The following ZNF804B variants were observed in gnomAD, a reference collection of about 807,000 sequenced individuals.
The protein encoded by ZNF804B is zinc finger 804B.
In ZNF804B, 80 loss-of-function variants were observed where a neutral mutation model predicts 101.4. That is an observed-to-expected ratio of 0.79 (90% CI 0.66 to 0.95). ZNF804B has a LOEUF of 0.95. Among genes scored for constraint, ZNF804B ranks in the 40% least tolerant of loss-of-function variants. The probability of loss-of-function intolerance (pLI) is 0.00; values close to 1 mark genes in which losing one functional copy is unlikely to be tolerated. For synonymous variants in ZNF804B, 622 were observed against 558.8 expected, an observed-to-expected ratio of 1.11 and a Z score of -1.59; for missense variants, 1,673 against 1,561.9, an observed-to-expected ratio of 1.07 and a Z score of -1.20.
At chr7:88,927,836 C>A (rs1406687163) in intron 1 of ZNF804B, among the ~76,000 whole-genome samples, 3 of 152,080 alleles carry the variant, frequency 2.0e-5, no homozygotes, top group African/African-American at 4.8e-5. Flanking sequence ...CCTACCTTGT[C>A]CTTAAATTAA....
chr7:89,082,551 A>T (rs1789711180), intron 1 of ZNF804B, among the ~76,000 whole-genome samples: 1 of 151,786 alleles, frequency 6.6e-6, no homozygotes, highest in African/African-American at 2.4e-5. Context: ...AGTTTGTTGC[A>T]TCACCCACAT....
intron 2 of ZNF804B, among the ~76,000 whole-genome samples, chr7:89,276,912 T>C (rs978674739): frequency 6.6e-6 from 1 of 151,644 alleles, no homozygotes; most frequent in Non-Finnish European, 1.5e-5. Flanking sequence ...TGTTCACAAG[T>C]TGTTTTTTCC....
chr7:89,022,091 A>G (rs12674068), intron 1 of ZNF804B, among the ~76,000 whole-genome samples: 1 of 151,390 alleles, frequency 6.6e-6, no homozygotes, highest in Non-Finnish European at 1.5e-5. Flanking sequence ...TCTTGACTTC[A>G]GGTTGATCTC....
At chr7:88,768,588 C>G (rs71572429) in intron 1 of ZNF804B, among the ~76,000 whole-genome samples, 1 of 151,980 alleles carries the variant, frequency 6.6e-6, no homozygotes, top group East Asian at 1.9e-4. Context: ...CATGGTGGCA[C>G]GAGCCTGTAA....
chr7:89,012,225 G>A (rs1039346889), intron 1 of ZNF804B, among the ~76,000 whole-genome samples: 2 of 152,106 alleles, frequency 1.3e-5, no homozygotes, highest in Non-Finnish European at 2.9e-5. Flanking sequence ...GAAAGGCCCT[G>A]GGCCCTGGCC....
chr7:89,147,446 T>C (rs935446080), intron 1 of ZNF804B, among the ~76,000 whole-genome samples: 4 of 152,094 alleles, frequency 2.6e-5, no homozygotes, highest in Non-Finnish European at 4.4e-5. Context: ...GATCAAGGTG[T>C]CAAAATTGTT....
chr7:89,184,484 T>C (rs568285102), intron 1 of ZNF804B, among the ~76,000 whole-genome samples: 1 of 146,756 alleles, frequency 6.8e-6, no homozygotes, highest in South Asian at 2.2e-4. Context: ...GTAAGTTAAC[T>C]TTAAATGTCA....
intron 1 of ZNF804B, among the ~76,000 whole-genome samples, chr7:88,787,431 T>C (rs1790319466): frequency 6.6e-6 from 1 of 152,134 alleles, no homozygotes. Flanking sequence ...AGATGTTCCT[T>C]CTCATTGAGT....
intron 2 of ZNF804B, among the ~76,000 whole-genome samples, chr7:89,307,554 C>G (rs1477686694): frequency 6.6e-6 from 1 of 151,854 alleles, no homozygotes; most frequent in Admixed American, 6.6e-5. Flanking sequence ...ATTCTAGTGG[C>G]AATTCATTCA....
At chr7:88,856,716 C>T (rs1437899680) in intron 1 of ZNF804B, among the ~76,000 whole-genome samples, 1 of 151,988 alleles carries the variant, frequency 6.6e-6, no homozygotes, top group Admixed American at 6.6e-5. Context: ...CAGTTTTTGC[C>T]CATTCAGTAT....
intron 1 of ZNF804B, among the ~76,000 whole-genome samples, chr7:88,785,896 C>T (rs1197750688): frequency 6.6e-6 from 1 of 152,114 alleles, no homozygotes; most frequent in Non-Finnish European, 1.5e-5. Flanking sequence ...AGAGGCATTC[C>T]TGATCCTCTA....
intron 2 of ZNF804B, among the ~76,000 whole-genome samples, chr7:89,271,462 A>G (rs977461936): frequency 5.3e-5 from 8 of 152,110 alleles, no homozygotes; most frequent in African/African-American, 1.4e-4. Flanking sequence ...TGCTGGATTC[A>G]GTTTGCCAGT....
intron 1 of ZNF804B, among the ~76,000 whole-genome samples, chr7:89,044,356 G>A (rs1401101627): frequency 1.3e-5 from 2 of 152,062 alleles, no homozygotes; most frequent in Non-Finnish European, 2.9e-5. Flanking sequence ...ACCCAGTCTT[G>A]GACATTTCTT....
chr7:89,047,059 AG>A (rs1027773160), intron 1 of ZNF804B, among the ~76,000 whole-genome samples: 5 of 151,972 alleles, frequency 3.3e-5, no homozygotes, highest in African/African-American at 1.2e-4. Flanking sequence ...TTATCCTTTG[AG>A]GGTTTTAAAA....
chr7:88,961,163 A>G (rs964598166), intron 1 of ZNF804B, among the ~76,000 whole-genome samples: 3 of 151,478 alleles, frequency 2.0e-5, no homozygotes, highest in African/African-American at 7.3e-5. Flanking sequence ...TTTAACTTGA[A>G]ATTGAACACA....
intron 2 of ZNF804B, among the ~76,000 whole-genome samples, chr7:89,227,823 T>C (rs1341132128): frequency 6.6e-6 from 1 of 152,248 alleles, no homozygotes; most frequent in Non-Finnish European, 1.5e-5. Context: ...TGCCTTTGGA[T>C]GGCTTTCCAG....
chr7:89,062,430 GAGTT>G (rs1337065942), intron 1 of ZNF804B, among the ~76,000 whole-genome samples: 1 of 152,012 alleles, frequency 6.6e-6, no homozygotes, highest in Non-Finnish European at 1.5e-5. Flanking sequence ...ACCTCAAAAA[GAGTT>G]AGCACTCCTC....
chr7:89,161,674 A>G (rs898483555), intron 1 of ZNF804B, among the ~76,000 whole-genome samples: 2 of 105,094 alleles, frequency 1.9e-5, no homozygotes, highest in Admixed American at 9.5e-5. Context: ...CAAGGCATGA[A>G]CCACCACACC....
intron 1 of ZNF804B, among the ~76,000 whole-genome samples, chr7:89,151,181 C>T (rs1790869716): frequency 6.6e-6 from 1 of 151,908 alleles, no homozygotes; most frequent in Non-Finnish European, 1.5e-5. Flanking sequence ...ATCACTAAAT[C>T]TGAAATTTGG....
Sources: allele counts gnomAD v4.1 joint callset (sites outside exome capture counted in the v4.1 genomes callset), GRCh38; gene constraint gnomAD v4.1.1; transcripts MANE v1.5; gene names NCBI Gene and HGNC (gene_info 2026-07-23, HGNC 2026-07-21).